Variants in RASEF observed in about 807,000 individuals in gnomAD.
RASEF encodes RAS and EF-hand domain containing.
A neutral mutation model predicts 90.1 loss-of-function variants in RASEF; 68 were observed. The observed-to-expected ratio is 0.75, with a 90% CI of 0.62 to 0.92. The LOEUF (loss-of-function observed/expected upper bound fraction) is 0.92, where lower values mean the gene tolerates loss of function less well. Among genes scored for constraint, RASEF ranks in the 40% least tolerant of loss-of-function variants. The pLI is 0.00. For missense variants in RASEF, 949 were observed against 937.2 expected (o/e 1.01, Z -0.16); for synonymous variants, 331 against 345.2 (o/e 0.96, Z 0.46).
the RASEF span, among the ~76,000 whole-genome samples, chr9:83,163,764 C>T: frequency 2.0e-5 from 3 of 151,392 alleles, no homozygotes; most frequent in African/African-American, 7.3e-5. Flanking sequence ...AAGGGAATAC[C>T]AGAAGGAGAA....
At chr9:83,113,998 C>T in the RASEF span, among the ~76,000 whole-genome samples, 1 of 152,048 alleles carries the variant, frequency 6.6e-6, no homozygotes, top group African/African-American at 2.4e-5. Flanking sequence ...ACAGTCCTAC[C>T]AATACATGAC....
chr9:82,992,310 G>A (rs144266124), intron 15 of RASEF, among the ~76,000 whole-genome samples: 18 of 152,184 alleles, frequency 1.2e-4, no homozygotes, highest in Admixed American at 3.3e-4. Context: ...GATGACAGAT[G>A]ACACTGATGG....
the RASEF span, among the ~76,000 whole-genome samples, chr9:83,216,306 C>A: frequency 8.5e-5 from 13 of 152,150 alleles, no homozygotes; most frequent in Non-Finnish European, 1.9e-4. Context: ...CCATCACAGG[C>A]CCAGAGACCT....
chr9:83,106,126 C>A, the RASEF span, among the ~76,000 whole-genome samples: 5 of 152,172 alleles, frequency 3.3e-5, no homozygotes, highest in African/African-American at 4.8e-5. Flanking sequence ...ATTCCTCCCC[C>A]ACCCATCTAA....
intron 16 of RASEF, 38 bp downstream of exon 16, chr9:82,990,353 C>G: frequency 6.9e-7 from 1 of 1,459,792 alleles, no homozygotes; most frequent in Non-Finnish European, 9.6e-7. Context: ...ATGCAACAAG[C>G]GAAAATTCAA....
the RASEF span, among the ~76,000 whole-genome samples, chr9:83,154,109 T>A: frequency 1.3e-5 from 2 of 152,106 alleles, no homozygotes; most frequent in African/African-American, 4.8e-5. Context: ...AAGTAAAGAG[T>A]AAATTAAGAT....
At chr9:83,007,364 A>G (rs901368645) in intron 7 of RASEF, 73 bp downstream of exon 7, 6 of 1,187,778 alleles carry the variant, frequency 5.1e-6, no homozygotes, top group African/African-American at 1.5e-5. Context: ...CTCACGTTCT[A>G]TGTGTTATGT....
At chr9:83,007,844 C>T (rs1478745287) in intron 6 of RASEF, among the ~76,000 whole-genome samples, 2 of 152,190 alleles carry the variant, frequency 1.3e-5, no homozygotes, top group Non-Finnish European at 2.9e-5. Flanking sequence ...TCCACGAGGG[C>T]TGAACCTCCT....
At chr9:83,158,632 ATATATGTATATATGT>A in the RASEF span, among the ~76,000 whole-genome samples, 1 of 147,030 alleles carries the variant, frequency 6.8e-6, no homozygotes, top group Non-Finnish European at 1.5e-5. Flanking sequence ...GTACATATGT[ATATATGTATATATGT>A]CCAAATATAT....
At chr9:83,054,949 G>T (rs1407579699) in intron 1 of RASEF, 1 of 147,956 alleles carries the variant, frequency 6.8e-6, no homozygotes, top group African/African-American at 2.6e-5. Flanking sequence ...TCTCTTCAAA[G>T]CTGTCAGACA....
chr9:83,033,561 G>A (rs542413623), intron 1 of RASEF, among the ~76,000 whole-genome samples: 4 of 152,314 alleles, frequency 2.6e-5, no homozygotes, highest in Non-Finnish European at 4.4e-5. Flanking sequence ...CTCAAGGACC[G>A]AAAGCGCACT....
intron 2 of RASEF, among the ~76,000 whole-genome samples, chr9:83,024,595 CCTCCTGGAAGG>C (rs1168313190): frequency 2.0e-5 from 3 of 152,272 alleles, no homozygotes; most frequent in African/African-American, 7.2e-5. Flanking sequence ...CACCCTTTAT[CCTCCTGGAAGG>C]CCCCTAGAAG....
intron 9 of RASEF, among the ~76,000 whole-genome samples, chr9:83,003,224 C>T (rs948708026): frequency 6.6e-6 from 1 of 152,074 alleles, no homozygotes; most frequent in African/African-American, 2.4e-5. Flanking sequence ...AATCACCCCC[C>T]CACACACACC....
chr9:83,079,391 C>A, the RASEF span, among the ~76,000 whole-genome samples: 1 of 152,142 alleles, frequency 6.6e-6, no homozygotes, highest in African/African-American at 2.4e-5. Context: ...CTATTCTGTT[C>A]CATTGGTCTA....
upstream of RASEF, among the ~76,000 whole-genome samples, chr9:83,066,909 C>T (rs896553434): frequency 6.6e-6 from 1 of 152,168 alleles, no homozygotes; most frequent in Non-Finnish European, 1.5e-5. Flanking sequence ...TTTCCACAGA[C>T]TTAGTGCTCT....
At chr9:83,134,408 G>GCACA in the RASEF span, among the ~76,000 whole-genome samples, 20,596 of 135,670 alleles carry the variant, frequency 0.15, 1,694 homozygotes, top group East Asian at 0.34. Context: ...GATCACAATA[G>GCACA]CGCACACACA....
the RASEF span, among the ~76,000 whole-genome samples, chr9:83,123,856 G>A: frequency 5.3e-5 from 8 of 152,268 alleles, no homozygotes; most frequent in Admixed American, 4.6e-4. Context: ...TGTACAGTTC[G>A]GTGGCATTAA....
At chr9:83,214,449 G>C in the RASEF span, among the ~76,000 whole-genome samples, 1 of 152,094 alleles carries the variant, frequency 6.6e-6, no homozygotes, top group Admixed American at 6.5e-5. Flanking sequence ...GTGGATTCTA[G>C]AGTCAGGCAA....
At chr9:83,127,340 G>T in the RASEF span, among the ~76,000 whole-genome samples, 3 of 152,186 alleles carry the variant, frequency 2.0e-5, no homozygotes, top group Admixed American at 6.5e-5. Flanking sequence ...CTGTAGGACA[G>T]AAGTAAAAAT....
Sources: gnomAD v4.1 joint callset for allele counts (sites outside exome capture counted in the v4.1 genomes callset) on GRCh38, gnomAD v4.1.1 for gene constraint, MANE v1.5 for transcripts, NCBI Gene and HGNC (gene_info 2026-07-23, HGNC 2026-07-21) for gene names.